Variants in DRC9 observed in about 807,000 individuals in gnomAD.
The protein encoded by DRC9 is dynein regulatory complex protein 9.
the DRC9 span, chr3:197,939,006 G>A: frequency 2.0e-6 from 1 of 507,468 alleles, no homozygotes; most frequent in Admixed American, 3.6e-5. Flanking sequence ...GGTACACTCT[G>A]CTCAAAAGTA....
chr3:197,904,547 T>C, the DRC9 span, among the ~76,000 whole-genome samples: 2 of 152,128 alleles, frequency 1.3e-5, no homozygotes, highest in Non-Finnish European at 1.5e-5. Context: ...GCAATGTAAG[T>C]GTCTACCAAC....
At chr3:197,901,503 G>A in the DRC9 span, among the ~76,000 whole-genome samples, 6 of 152,362 alleles carry the variant, frequency 3.9e-5, no homozygotes, top group Admixed American at 3.9e-4. This position sits in a 1 kb window ranked among gnomAD's most constrained non-coding sequence, Gnocchi z 4.4. Flanking sequence ...CCACTCCCCT[G>A]AAGAGTAAGT....
At chr3:197,897,863 C>T in the DRC9 span, among the ~76,000 whole-genome samples, 17 of 151,484 alleles carry the variant, frequency 1.1e-4, no homozygotes, top group South Asian at 2.1e-4. Flanking sequence ...CTCCGCCTCC[C>T]GGGTTCATGC....
chr3:197,933,045 T>TATATTA, the DRC9 span, among the ~76,000 whole-genome samples: 1 of 75,776 alleles, frequency 1.3e-5, no homozygotes. Context: ...ATTATACATA[T>TATATTA]ATATAAAATA....
the DRC9 span, chr3:197,951,570 C>A: frequency 4.4e-6 from 2 of 451,808 alleles, no homozygotes; most frequent in East Asian, 9.1e-5. Context: ...CCAGGCTGGT[C>A]CCAAACTCCT....
At chr3:197,916,272 TTTGTTG>T in the DRC9 span, 9 of 155,102 alleles carry the variant, frequency 5.8e-5, no homozygotes, top group East Asian at 3.9e-4. Context: ...TGCGCCCGGC[TTTGTTG>T]TTGTTGTTGT....
the DRC9 span, among the ~76,000 whole-genome samples, chr3:197,928,167 T>G: frequency 6.6e-6 from 1 of 152,298 alleles, no homozygotes; most frequent in African/African-American, 2.4e-5. Context: ...TGGAGTTAAC[T>G]ATCATTGAAA....
the DRC9 span, among the ~76,000 whole-genome samples, chr3:197,901,508 G>T: frequency 1.3e-5 from 2 of 152,254 alleles, no homozygotes; most frequent in Non-Finnish European, 2.9e-5. This position sits in a 1 kb window ranked among gnomAD's most constrained non-coding sequence, Gnocchi z 4.4. Context: ...CCCCTGAAGA[G>T]TAAGTCCCAG....
chr3:197,952,215 G>A, the DRC9 span, among the ~76,000 whole-genome samples: 1 of 129,278 alleles, frequency 7.7e-6, no homozygotes, highest in Non-Finnish European at 1.5e-5. Context: ...TGTCACCTAG[G>A]CTGGAGTGCA....
the DRC9 span, among the ~76,000 whole-genome samples, chr3:197,955,483 C>CT: frequency 2.6e-5 from 4 of 152,020 alleles, no homozygotes; most frequent in African/African-American, 9.7e-5. Context: ...AGGATGGTCT[C>CT]TATCTCTTGA....
At chr3:197,902,285 T>C in the DRC9 span, among the ~76,000 whole-genome samples, 1 of 152,244 alleles carries the variant, frequency 6.6e-6, no homozygotes, top group African/African-American at 2.4e-5. Flanking sequence ...CTACAATGAA[T>C]ACGTAATTCG....
the DRC9 span, among the ~76,000 whole-genome samples, chr3:197,917,255 T>C: frequency 1.1e-4 from 16 of 152,340 alleles, no homozygotes; most frequent in African/African-American, 3.8e-4. Context: ...AGGCCGAGGC[T>C]GCAGTGAGCT....
At chr3:197,939,744 CTT>C in the DRC9 span, among the ~76,000 whole-genome samples, 1 of 145,972 alleles carries the variant, frequency 6.9e-6, no homozygotes, top group African/African-American at 2.5e-5. Context: ...GCTCCACTGT[CTT>C]TTTTTTTTTT....
At chr3:197,907,949 A>G in the DRC9 span, among the ~76,000 whole-genome samples, 1 of 150,324 alleles carries the variant, frequency 6.7e-6, no homozygotes, top group African/African-American at 2.5e-5. Context: ...AAGTTATCAC[A>G]GGGGTGACTG....
chr3:197,948,499 C>T, the DRC9 span, among the ~76,000 whole-genome samples: 6 of 152,210 alleles, frequency 3.9e-5, no homozygotes, highest in Non-Finnish European at 8.8e-5. Context: ...GGTGCTAAGT[C>T]TCAGTGCTCA....
chr3:197,918,188 A>G, the DRC9 span, among the ~76,000 whole-genome samples: 1 of 114,590 alleles, frequency 8.7e-6, no homozygotes, highest in African/African-American at 3.3e-5. Context: ...TCCGCCTCCC[A>G]CCTCAACCTC....
chr3:197,937,299 A>C, the DRC9 span, among the ~76,000 whole-genome samples: 2 of 152,154 alleles, frequency 1.3e-5, no homozygotes, highest in South Asian at 2.1e-4. Flanking sequence ...AGAAACCCTC[A>C]GGATTAAAAC....
the DRC9 span, among the ~76,000 whole-genome samples, chr3:197,928,970 G>A: frequency 2.0e-5 from 3 of 152,326 alleles, no homozygotes; most frequent in Admixed American, 1.3e-4. Flanking sequence ...GGAGCAGGAT[G>A]ACCTGATTCC....
chr3:197,923,157 T>G, the DRC9 span, among the ~76,000 whole-genome samples: 2 of 152,204 alleles, frequency 1.3e-5, no homozygotes, highest in African/African-American at 4.8e-5. Context: ...CTCACTCTGT[T>G]GCCCAGGCTG....
Sources: allele counts gnomAD v4.1 joint callset (sites outside exome capture counted in the v4.1 genomes callset), GRCh38; gene constraint gnomAD v4.1.1; non-coding constraint Gnocchi (gnomAD v3.1); transcripts MANE v1.5; gene names NCBI Gene and HGNC (gene_info 2026-07-23, HGNC 2026-07-21).